The following PCDHA4 variants were observed in gnomAD, a reference collection of about 807,000 sequenced individuals.
The protein encoded by PCDHA4 is protocadherin alpha 4, also known as protocadherin alpha-4.
A neutral mutation model predicts 61.4 loss-of-function variants in PCDHA4; 49 were observed. That is an observed-to-expected ratio of 0.80 (90% CI 0.63 to 1.01). The LOEUF (loss-of-function observed/expected upper bound fraction) is 1.01, where lower values mean the gene tolerates loss of function less well. PCDHA4 is among the 50% of genes least tolerant of loss of function. PCDHA4 has a pLI of 0.00. For synonymous variants in PCDHA4, 590 were observed against 550.3 expected (o/e 1.07, Z -1.01); for missense variants, 1,254 against 1,235.8 (o/e 1.01, Z -0.22).
intron 1 of PCDHA4, chr5:140,822,865 C>T (rs2150119929): frequency 1.2e-6 from 2 of 1,614,228 alleles, no homozygotes; most frequent in Admixed American, 1.7e-5. Flanking sequence ...GGACGCTCCA[C>T]TCAGCACGGT....
intron 1 of PCDHA4, among the ~76,000 whole-genome samples, chr5:140,847,109 G>T (rs1267875417): frequency 6.7e-6 from 1 of 149,752 alleles, no homozygotes; most frequent in Admixed American, 6.7e-5. Context: ...CACACAGTCT[G>T]CAGAGAATGA....
intron 3 of PCDHA4, among the ~76,000 whole-genome samples, chr5:141,007,754 T>C (rs991882656): frequency 6.6e-6 from 1 of 152,172 alleles, no homozygotes; most frequent in African/African-American, 2.4e-5. Flanking sequence ...AACTTTGGAC[T>C]CTTATTGGCC....
chr5:140,917,669 C>G (rs555314392), intron 1 of PCDHA4, among the ~76,000 whole-genome samples: 2 of 152,140 alleles, frequency 1.3e-5, no homozygotes, highest in Non-Finnish European at 2.9e-5. Context: ...AGTCCTTTCT[C>G]CATTGCTTGT....
intron 1 of PCDHA4, among the ~76,000 whole-genome samples, chr5:140,959,609 T>A (rs2095500700): frequency 6.6e-6 from 1 of 152,184 alleles, no homozygotes; most frequent in South Asian, 2.1e-4. Flanking sequence ...ATGCTTTTCT[T>A]GCTTGTGATA....
intron 1 of PCDHA4, chr5:140,929,073 T>C (rs782591499): frequency 1.9e-6 from 3 of 1,614,200 alleles, no homozygotes; most frequent in Non-Finnish European, 2.5e-6. Flanking sequence ...ATCTGAGGTA[T>C]GGAAGTAAGA....
chr5:140,851,824 T>C (rs1336167909), intron 1 of PCDHA4: 1 of 964,578 alleles, frequency 1.0e-6, no homozygotes, highest in Non-Finnish European at 1.3e-6. Context: ...CAGAAATCTG[T>C]TTTTTTAAAA....
intron 2 of PCDHA4, among the ~76,000 whole-genome samples, chr5:140,980,549 G>A (rs1382828581): frequency 1.3e-5 from 2 of 152,162 alleles, no homozygotes; most frequent in Non-Finnish European, 2.9e-5. Context: ...AGAATCGCTT[G>A]AACCCGGGAG....
chr5:140,934,331 A>C (rs1313968911), intron 1 of PCDHA4, among the ~76,000 whole-genome samples: 1 of 152,116 alleles, frequency 6.6e-6, no homozygotes, highest in East Asian at 1.9e-4. Flanking sequence ...CATGAATGTA[A>C]TAACCACCAG....
intron 1 of PCDHA4, among the ~76,000 whole-genome samples, chr5:140,892,451 C>A (rs782296222): frequency 1.2e-4 from 19 of 152,128 alleles, no homozygotes; most frequent in Non-Finnish European, 2.5e-4. Flanking sequence ...TACATGTATT[C>A]TTTAAGTACG....
chr5:140,911,509 A>G (rs1378667100), intron 1 of PCDHA4, among the ~76,000 whole-genome samples: 1 of 152,214 alleles, frequency 6.6e-6, no homozygotes, highest in Admixed American at 6.5e-5. Flanking sequence ...GAGGTTCAGT[A>G]TCTGCTTCTG....
intron 1 of PCDHA4, among the ~76,000 whole-genome samples, chr5:140,916,163 C>T (rs546851152): frequency 4.6e-5 from 7 of 152,184 alleles, no homozygotes; most frequent in Admixed American, 1.3e-4. Context: ...TGAATGCTGC[C>T]AGGCCTGGGA....
chr5:140,850,456 A>T lies in PCDHA4; in HGVS notation c.2385+40884A>T, dbSNP rs2150485002. 3 of 1,597,744 alleles carry T rather than the reference A, an allele frequency of 1.9e-6. No homozygotes were observed. In the Admixed American group the frequency reaches 5.1e-5, roughly 27 times the overall value. ...CGCCTACTGGTGCTGGTGAAAGACC[A>T]CGGGGAGCCAGCGCTGACGGCCACG... On this transcript the variant is annotated intron_variant, in intron 1 of 3. Coordinates refer to ENST00000530339, the MANE Select transcript of PCDHA4 (RefSeq NM_018907.4).
chr5:140,874,195 A>C (rs2054770978), intron 1 of PCDHA4, among the ~76,000 whole-genome samples: 1 of 152,222 alleles, frequency 6.6e-6, no homozygotes, highest in Non-Finnish European at 1.5e-5. Flanking sequence ...GTCATATTTC[A>C]GTTGCCTTTA....
chr5:140,946,886 C>G (rs1304455156), intron 1 of PCDHA4, among the ~76,000 whole-genome samples: 1 of 151,128 alleles, frequency 6.6e-6, no homozygotes, highest in African/African-American at 2.4e-5. Context: ...TACGAAGTTA[C>G]AATTAGATAG....
At chr5:140,872,545 TGAACCCAGGGGTTCAG>T (rs1372003067) in intron 1 of PCDHA4, among the ~76,000 whole-genome samples, 1 of 152,158 alleles carries the variant, frequency 6.6e-6, no homozygotes, top group Non-Finnish European at 1.5e-5. Flanking sequence ...GAGGATCCCC[TGAACCCAGGGGTTCAG>T]GGCTGCAGTG....
At chr5:140,852,245 A>G (rs2042277804) in intron 1 of PCDHA4, 6 of 557,120 alleles carry the variant, frequency 1.1e-5, no homozygotes, top group Non-Finnish European at 1.4e-5. Flanking sequence ...CTTAAAACAC[A>G]CTTTTGGAAT....
intron 1 of PCDHA4, chr5:140,882,607 T>G (rs1313419888): frequency 6.8e-6 from 11 of 1,614,124 alleles, no homozygotes; most frequent in East Asian, 2.2e-5. Flanking sequence ...TGGACAGGCC[T>G]CTGCAGGTTT....
At chr5:140,972,296 T>C (rs1303430452) in intron 1 of PCDHA4, among the ~76,000 whole-genome samples, 2 of 151,468 alleles carry the variant, frequency 1.3e-5, no homozygotes, top group Non-Finnish European at 2.9e-5. Flanking sequence ...TGCGCCACCG[T>C]GTCTGACTAG....
At chr5:140,929,554 C>T (rs899446101) in intron 1 of PCDHA4, 4 of 488,414 alleles carry the variant, frequency 8.2e-6, no homozygotes, top group Non-Finnish European at 1.4e-5. Context: ...AAAATTAAAA[C>T]CTATTTAAGA....
Sources: gnomAD v4.1 joint callset for allele counts (sites outside exome capture counted in the v4.1 genomes callset) on GRCh38, gnomAD v4.1.1 for gene constraint, MANE v1.5 for transcripts, NCBI Gene and HGNC (gene_info 2026-07-23, HGNC 2026-07-21) for gene names.